Variants in OSBPL3 observed in about 807,000 individuals in gnomAD.
OSBPL3 encodes the protein oxysterol-binding protein-related protein 3.
A neutral mutation model predicts 120.1 loss-of-function variants in OSBPL3; 65 were observed. That is an observed-to-expected ratio of 0.54 (90% CI 0.44 to 0.67). OSBPL3 has a LOEUF of 0.67. Among genes scored for constraint, OSBPL3 ranks in the 30% least tolerant of loss-of-function variants. The pLI, the probability that OSBPL3 is intolerant of heterozygous loss-of-function variation, is 0.00. For synonymous variants in OSBPL3, 416 were observed against 402.6 expected (o/e 1.03, Z -0.40); for missense variants, 1,004 against 1,082.1 (o/e 0.93, Z 1.01).
chr7:24,960,034 G>C (rs115881461), intron 1 of OSBPL3, among the ~76,000 whole-genome samples: 1 of 152,146 alleles, frequency 6.6e-6, no homozygotes, highest in Non-Finnish European at 1.5e-5. Context: ...TACCAAAATA[G>C]CTATTACTCT....
chr7:24,972,117 T>C lies in OSBPL3; in HGVS notation c.-150+7769A>G, dbSNP rs994645395. ...CTATGCTGGAGGACAGGTTGCTAGA[T>C]ATCATTGCGTTTCTGCTATAAAGGT... On this transcript the variant is annotated intron_variant, in intron 1 of 22. Transcript: ENST00000313367. The surrounding 1 kb of genome is among the most constrained non-coding windows in gnomAD (Gnocchi z 4.3). Among the ~76,000 whole-genome samples, 1 of 152,238 alleles carries C rather than the reference T, an allele frequency of 6.6e-6. No individual in the cohort carries two copies. Among genetic ancestry groups the C allele is most frequent in the African/African-American group, 2.4e-5 (1 of 41,462 alleles).
intron 14 of OSBPL3, among the ~76,000 whole-genome samples, chr7:24,837,603 C>T (rs1797171692): frequency 6.6e-6 from 1 of 152,252 alleles, no homozygotes; most frequent in South Asian, 2.1e-4. Flanking sequence ...CCGCCATCAT[C>T]ACCACCAATA....
chr7:24,961,691 T>C (rs1274604381), intron 1 of OSBPL3, among the ~76,000 whole-genome samples: 2 of 152,216 alleles, frequency 1.3e-5, no homozygotes. Context: ...CAAATTTCTA[T>C]TGTTCATAAA....
chr7:24,849,333 C>T lies in OSBPL3; in HGVS notation c.1159-157G>A, dbSNP rs1362079992. 2.0e-6 allele frequency: 1 copy of T among 512,392 alleles called. No individual in the cohort carries two copies. Among genetic ancestry groups the T allele is most frequent in the African/African-American group, 1.9e-5 (1 of 51,424 alleles). The allele number at this position is 512,392 out of a possible 1,614,324, so 31.7% of individuals were successfully genotyped here. ...CTGGACTTTTTCCTTGAATGCTCTC[C>T]AAGAGGATACTGGTTCTGAGATGCC... On this transcript the variant is annotated intron_variant, in intron 11 of 22. Transcript: ENST00000313367. This position sits in a 1 kb window ranked among gnomAD's most constrained non-coding sequence, Gnocchi z 5.4.
chr7:24,864,409 A>C (rs1478422788), intron 7 of OSBPL3, among the ~76,000 whole-genome samples: 1 of 152,204 alleles, frequency 6.6e-6, no homozygotes, highest in Admixed American at 6.5e-5. Flanking sequence ...GAGCCTGACA[A>C]TGTGCATTGC....
Position 24,804,604 on chromosome 7 carries a change from A to AT in OSBPL3, c.2445-168dup, listed in dbSNP as rs1353706262. Among the ~76,000 whole-genome samples, 1 of 152,192 alleles carries AT rather than the reference A, an allele frequency of 6.6e-6. No individual in the cohort carries two copies. The highest frequency in any genetic ancestry group is 1.5e-5 in the Non-Finnish European group (1 of 68,034). On this transcript the variant is annotated intron_variant, in intron 21 of 22. Coordinates refer to ENST00000313367, the MANE Select transcript of OSBPL3 (RefSeq NM_015550.4). The surrounding 1 kb of genome is among the most constrained non-coding windows in gnomAD (Gnocchi z 5.4). ...GTATCTTGAAGTAGTCAGAGAAGATATTTTTTTGAATTGGTGATATTTACA... is the reference window on the plus strand; with the variant it reads ...GTATCTTGAAGTAGTCAGAGAAGATATTTTTTTTGAATTGGTGATATTTACA...
At chr7:24,948,530 T>C (rs1013473802) in intron 1 of OSBPL3, among the ~76,000 whole-genome samples, 2 of 151,904 alleles carry the variant, frequency 1.3e-5, no homozygotes, top group Admixed American at 6.6e-5. Context: ...CAGAATCAGA[T>C]GGTGTATAGG....
At chr7:24,884,401 G>A (rs1238791912) in intron 2 of OSBPL3, among the ~76,000 whole-genome samples, 1 of 152,130 alleles carries the variant, frequency 6.6e-6, no homozygotes, top group African/African-American at 2.4e-5. Flanking sequence ...AGACCCCACT[G>A]AGTTGTGCTG....
At chr7:24,961,429 CAT>C (rs1204737980) in intron 1 of OSBPL3, among the ~76,000 whole-genome samples, 10 of 152,108 alleles carry the variant, frequency 6.6e-5, no homozygotes, top group African/African-American at 1.9e-4. Flanking sequence ...CCACAAAAAC[CAT>C]ATGTTGAGAT....
rs550389136 is a variant in OSBPL3 at position 24,809,922 on chromosome 7, C to T, written c.2202G>A (p.Glu734=). The T allele has an allele frequency of 8.7e-5, 140 of 1,614,190 alleles. 1 individual carries two copies. The South Asian group carries it at 1.5e-3, about 17-fold the overall frequency. The change falls in exon 20 of 23, where the codon GAG becomes GAA. Residue 734 remains glutamate (E), a synonymous_variant. Transcript: ENST00000313367. ...TCCTGTCAAACACTGTGCCTTCAAT[C>T]TCATGGGCATTAGTGCTCCAGTATT... ...KAKYWSTNAH[E]IEGTVFDRSG...
intron 16 of OSBPL3, among the ~76,000 whole-genome samples, chr7:24,825,163 T>A (rs1795556570): frequency 6.6e-6 from 1 of 152,190 alleles, no homozygotes. Flanking sequence ...GGATAAGGAA[T>A]TAACTGGCTC....
Position 24,831,472 on chromosome 7 carries a change from T to A in OSBPL3, c.1747-567A>T, listed in dbSNP as rs558991743. On this transcript the variant is annotated intron_variant, in intron 15 of 22. Coordinates refer to ENST00000313367, the MANE Select transcript of OSBPL3 (RefSeq NM_015550.4). This position sits in a 1 kb window ranked among gnomAD's most constrained non-coding sequence, Gnocchi z 4.0. ...TAGTGACTTTAAAGTTCTGCTTTTT[T>A]GGGAGGAAAAGTGAAACATCCAAAA... is the stretch of plus-strand genomic sequence containing the variant. Among the ~76,000 whole-genome samples the A allele has an allele frequency of 6.6e-6, 1 of 152,068 alleles. No individual in the cohort carries two copies. Among genetic ancestry groups the A allele is most frequent in the South Asian group, 2.1e-4 (1 of 4,824 alleles).
Position 24,852,705 on chromosome 7 carries a change from A to C in OSBPL3, c.1028-71T>G. 2.0e-6 allele frequency: 2 copies of C among 1,017,778 alleles called. No individual in the cohort carries two copies. The highest frequency in any genetic ancestry group is 2.7e-4 in the Middle Eastern group (1 of 3,650). The allele number at this position is 1,017,778 out of a possible 1,614,324, so 63.0% of individuals were successfully genotyped here. A position where few individuals can be genotyped will look rare whatever the true frequency, so the allele number is the denominator to read the frequency against. ...AAAAACAAAATACAGAAAAAAACAT[A>C]TCTCTTATAAAAGAAACAAGCAAAG... On this transcript the variant is annotated intron_variant, in intron 10 of 22. Coordinates refer to ENST00000313367, the MANE Select transcript of OSBPL3 (RefSeq NM_015550.4). This position sits in a 1 kb window ranked among gnomAD's most constrained non-coding sequence, Gnocchi z 4.1.
At position 24,933,917 on chromosome 7, in the gene OSBPL3, A is replaced by G. The variant is rs1812084782; in HGVS notation, c.-149-41296T>C. Reference sequence around the variant, plus strand: ...ACAACAAATACTAAGATTTGTTGGCATTAAATCAGTTTAGTCTATAAATAC... The same window carrying G: ...ACAACAAATACTAAGATTTGTTGGCGTTAAATCAGTTTAGTCTATAAATAC... On this transcript the variant is annotated intron_variant, in intron 1 of 22. Transcript: ENST00000313367. This position sits in a 1 kb window ranked among gnomAD's most constrained non-coding sequence, Gnocchi z 5.1. Among the ~76,000 whole-genome samples, 1 of 152,232 alleles carries G rather than the reference A, an allele frequency of 6.6e-6. No homozygotes were observed. Among genetic ancestry groups the G allele is most frequent in the African/African-American group, 2.4e-5 (1 of 41,468 alleles).
chr7:24,849,145 C>A lies in OSBPL3; in HGVS notation c.1190G>T (p.Arg397Leu), dbSNP rs1166361652. The change falls in exon 12 of 23, where the codon CGC becomes CTC. Residue 397 changes from arginine (R) to leucine (L), a missense_variant. Around this residue, in one of 4 missense-constraint regions of OSBPL3, gnomAD observed 272 missense variants for 248.8 expected, o/e 1.09. Transcript: ENST00000313367. This position sits in a 1 kb window ranked among gnomAD's most constrained non-coding sequence, Gnocchi z 5.4. ...ALAQNTDLKE[R>L]LRRIHAESLL... Reference sequence around the variant, plus strand: ...AGACTCGGCATGGATTCTGCGTAAGCGTTCTTTAAGATCTGTGTTTTGTGC... The same window carrying A: ...AGACTCGGCATGGATTCTGCGTAAGAGTTCTTTAAGATCTGTGTTTTGTGC... 1 of 1,613,862 alleles carries A rather than the reference C, an allele frequency of 6.2e-7. No individual in the cohort carries two copies. Among genetic ancestry groups the A allele is most frequent in the Non-Finnish European group, 8.5e-7 (1 of 1,179,846 alleles).
At chr7:24,926,250 GC>G (rs1215595602) in intron 1 of OSBPL3, among the ~76,000 whole-genome samples, 3 of 152,108 alleles carry the variant, frequency 2.0e-5, no homozygotes, top group Non-Finnish European at 4.4e-5. Context: ...GTTATGCCAT[GC>G]CCCTGATCAA....
Position 24,821,821 on chromosome 7 carries a change from CACTG to C in OSBPL3, c.1885-1587_1885-1584del, listed in dbSNP as rs1160371100. 6.6e-6 allele frequency among the ~76,000 whole-genome samples: 1 copy of C among 152,216 alleles called. No individual in the cohort carries two copies. Among genetic ancestry groups the C allele is most frequent in the Non-Finnish European group, 1.5e-5 (1 of 68,048 alleles). On this transcript the variant is annotated intron_variant, in intron 16 of 22. Transcript: ENST00000313367. The surrounding 1 kb of genome is among the most constrained non-coding windows in gnomAD (Gnocchi z 5.5). ...TTTCAAGGGCAACTTTCACTTCAAG[CACTG>C]ACTTAGAAACCTAATCCCATAATGT...
In OSBPL3 at chr7:24,939,265, A is replaced by G. The variant is rs1193681307; in HGVS notation, c.-150+40621T>C. Among the ~76,000 whole-genome samples, 1 of 152,204 alleles carries G rather than the reference A, an allele frequency of 6.6e-6. No homozygotes were observed. The highest frequency in any genetic ancestry group is 1.5e-5 in the Non-Finnish European group (1 of 68,024). ...ATGGAGGAGGTGTAAGCTACTGGTA[A>G]TTGTCTGCCCAGTAGCCATTCTCCT... is the stretch of plus-strand genomic sequence containing the variant. On this transcript the variant is annotated intron_variant, in intron 1 of 22. Coordinates refer to ENST00000313367, the MANE Select transcript of OSBPL3 (RefSeq NM_015550.4). The surrounding 1 kb of genome is among the most constrained non-coding windows in gnomAD (Gnocchi z 4.2).
Position 24,830,848 on chromosome 7 carries a change from T to C in OSBPL3, c.1804A>G (p.Ser602Gly). 6.2e-7 allele frequency: 1 copy of C among 1,614,088 alleles called. No individual in the cohort carries two copies. Among genetic ancestry groups the C allele is most frequent in the Non-Finnish European group, 8.5e-7 (1 of 1,179,950 alleles). Residue 602 changes from serine to glycine, a missense_variant, in exon 16 of 23, where the codon AGC (serine) becomes GGC (glycine). By Grantham distance (56) the Ser-to-Gly change is moderately conservative (BLOSUM62 0). Transcript: ENST00000313367. The surrounding 1 kb of genome is among the most constrained non-coding windows in gnomAD (Gnocchi z 4.4). ...CCAAGAACCGGATTAAATGGCTTGC[T>C]TCCAGCTCGGTAGTAGCTAGATGCA... is the stretch of plus-strand genomic sequence containing the variant. Reference protein sequence around the residue: ...AYASSYYRAGSKPFNPVLGET... With the variant: ...AYASSYYRAGGKPFNPVLGET...
Sources: allele counts gnomAD v4.1 joint callset (sites outside exome capture counted in the v4.1 genomes callset), GRCh38; gene constraint gnomAD v4.1.1; regional missense constraint gnomAD v4.1.1; non-coding constraint Gnocchi (gnomAD v3.1); transcripts MANE v1.5; gene names NCBI Gene and HGNC (gene_info 2026-07-23, HGNC 2026-07-21).